Variants in ITGB5 observed in about 807,000 individuals in gnomAD.
ITGB5 encodes the protein integrin beta-5.
Under a neutral mutation model 84.8 loss-of-function variants are expected in ITGB5, and 38 were observed. That is an observed-to-expected ratio of 0.45 (90% CI 0.35 to 0.59). The LOEUF (loss-of-function observed/expected upper bound fraction) is 0.59, where lower values mean the gene tolerates loss of function less well. Ranked by LOEUF, ITGB5 falls within the 20% of genes least tolerant of loss-of-function variation. ITGB5 has a pLI of 0.01. For synonymous variants in ITGB5, 393 were observed against 414.4 expected (o/e 0.95, Z 0.63); for missense variants, 905 against 1,034.5 (o/e 0.87, Z 1.72).
At chr3:124,800,550 C>T (rs1327177534) in intron 9 of ITGB5, among the ~76,000 whole-genome samples, 1 of 152,062 alleles carries the variant, frequency 6.6e-6, no homozygotes, top group Admixed American at 6.6e-5. Flanking sequence ...CCCAGCCAAG[C>T]CTTCGGTCCA....
intron 4 of ITGB5, among the ~76,000 whole-genome samples, chr3:124,847,399 C>T (rs762207911): frequency 2.6e-5 from 4 of 152,200 alleles, no homozygotes; most frequent in Non-Finnish European, 4.4e-5. Flanking sequence ...TACAACCACC[C>T]ACCCCAGCAT....
chr3:124,864,852 G>A (rs921304486), intron 2 of ITGB5, among the ~76,000 whole-genome samples: 1 of 152,196 alleles, frequency 6.6e-6, no homozygotes, highest in South Asian at 2.1e-4. Flanking sequence ...CCTCTGCCAG[G>A]TGTCAGACAT....
At position 124,809,197 on chromosome 3, in the gene ITGB5, G is replaced by A. The variant is rs773215565; in HGVS notation, c.1129-41C>T. On this transcript the variant is annotated intron_variant, in intron 8 of 14. Transcript: ENST00000296181. ...AAATGAAGCCCAACCATTTAATAAA[G>A]GCTGTGGCTGAGGTGCTCCCACACT... 6.2e-6 allele frequency: 10 copies of A among 1,610,442 alleles called. No homozygotes were observed. The African/African-American group carries it at 1.2e-4, about 19-fold the overall frequency.
chr3:124,775,287 G>T (rs2063908984), intron 10 of ITGB5, among the ~76,000 whole-genome samples: 1 of 150,142 alleles, frequency 6.7e-6, no homozygotes, highest in Non-Finnish European at 1.5e-5. Context: ...TTTGTGAGTG[G>T]GTGCAAGTGT....
intron 10 of ITGB5, among the ~76,000 whole-genome samples, chr3:124,775,729 C>T (rs971536788): frequency 1.3e-5 from 2 of 152,206 alleles, no homozygotes; most frequent in African/African-American, 4.8e-5. Context: ...AGTTACCTGG[C>T]TTGTTAACTG....
chr3:124,806,796 G>T (rs1223351241), intron 9 of ITGB5, among the ~76,000 whole-genome samples: 1 of 147,462 alleles, frequency 6.8e-6, no homozygotes, highest in Non-Finnish European at 1.5e-5. Context: ...AAGCATTAGT[G>T]TTTTTTTTTT....
At chr3:124,769,168 C>A in intron 11 of ITGB5, 55 bp from the exon 12 acceptor site, 1 of 1,429,646 alleles carries the variant, frequency 7.0e-7, no homozygotes, top group Non-Finnish European at 9.8e-7. Flanking sequence ...CAGTCCCACA[C>A]CTGTCCCTGA....
chr3:124,867,897 A>T (rs967951364), intron 2 of ITGB5, among the ~76,000 whole-genome samples: 1 of 152,240 alleles, frequency 6.6e-6, no homozygotes, highest in African/African-American at 2.4e-5. Flanking sequence ...GTTCCCACCC[A>T]AATCTCATGT....
chr3:124,777,112 G>T (rs981152401), intron 10 of ITGB5, among the ~76,000 whole-genome samples: 1 of 152,174 alleles, frequency 6.6e-6, no homozygotes, highest in Non-Finnish European at 1.5e-5. Flanking sequence ...CTGACCTAGG[G>T]TATAAGAAGA....
intron 5 of ITGB5, among the ~76,000 whole-genome samples, chr3:124,822,527 G>A (rs1246293025): frequency 6.6e-6 from 1 of 152,130 alleles, no homozygotes; most frequent in Non-Finnish European, 1.5e-5. Context: ...AGCCAAAAGA[G>A]CTATGATATT....
chr3:124,817,839 G>A (rs1309697919), intron 7 of ITGB5, 129 bp from the exon 8 acceptor site: 10 of 602,148 alleles, frequency 1.7e-5, no homozygotes, highest in Non-Finnish European at 2.9e-5. Flanking sequence ...CTCCCACCAT[G>A]AACTAAAGAA....
At chr3:124,776,089 G>A (rs2063922575) in intron 10 of ITGB5, among the ~76,000 whole-genome samples, 1 of 152,258 alleles carries the variant, frequency 6.6e-6, no homozygotes, top group African/African-American at 2.4e-5. Flanking sequence ...GGAGTCCGCT[G>A]TGGAATGCAG....
At position 124,762,383 on chromosome 3, in the gene ITGB5, C is replaced by A. The variant is rs1037939835; in HGVS notation, c.*1240G>T. 4 of 152,148 alleles carry A rather than the reference C, an allele frequency of 2.6e-5. No homozygotes were observed. The highest frequency in any genetic ancestry group is 1.5e-5 in the Non-Finnish European group (1 of 68,022). The allele number at this position is 152,148 out of a possible 1,614,324, so 9.4% of individuals were successfully genotyped here. ...TTAGGAACAGTTTGTCATTCAGTAA[C>A]CTCCTAACAAACACTCGGGCAAGCC... On this transcript the variant is annotated 3_prime_UTR_variant, in exon 15 of 15. Coordinates refer to ENST00000296181, the MANE Select transcript of ITGB5 (RefSeq NM_002213.5).
chr3:124,896,746 T>TAAA (rs34601718), intron 1 of ITGB5, among the ~76,000 whole-genome samples: 1,477 of 124,544 alleles, frequency 0.012, 37 homozygotes, highest in African/African-American at 0.032. Context: ...GACCTTGTCT[T>TAAA]AAAAAAAAAA....
chr3:124,869,902 T>C (rs1033255298), intron 2 of ITGB5, among the ~76,000 whole-genome samples: 1 of 152,202 alleles, frequency 6.6e-6, no homozygotes, highest in Non-Finnish European at 1.5e-5. Context: ...ACCTGGCTTC[T>C]GGATTTTCTA....
chr3:124,777,623 A>C lies in ITGB5; in HGVS notation c.1694-3711T>G, dbSNP rs146417332. On this transcript the variant is annotated intron_variant, in intron 10 of 14. Coordinates refer to ENST00000296181, the MANE Select transcript of ITGB5 (RefSeq NM_002213.5). Reference sequence around the variant, plus strand: ...GTGGCAGGCATCGCTGTCTCCTCATAGGAGTCTTCTCCAAGGGGCCTGGGC... The same window carrying C: ...GTGGCAGGCATCGCTGTCTCCTCATCGGAGTCTTCTCCAAGGGGCCTGGGC... Among the ~76,000 whole-genome samples the C allele has an allele frequency of 6.8e-3, 1,031 of 152,244 alleles. 8 individuals carry two copies. Among genetic ancestry groups the C allele is most frequent in the African/African-American group, 0.023 (952 of 41,554 alleles).
chr3:124,806,360 A>G (rs564740011), intron 9 of ITGB5, among the ~76,000 whole-genome samples: 1 of 144,714 alleles, frequency 6.9e-6, no homozygotes, highest in African/African-American at 2.6e-5. Flanking sequence ...CAAACATTCC[A>G]CCCACAGATC....
intron 10 of ITGB5, among the ~76,000 whole-genome samples, chr3:124,786,125 G>C (rs2064078849): frequency 6.6e-6 from 1 of 152,154 alleles, no homozygotes; most frequent in South Asian, 2.1e-4. Flanking sequence ...TGCTAGGAAA[G>C]GCATGAGATG....
chr3:124,822,356 AT>A (rs1004202970), intron 5 of ITGB5, among the ~76,000 whole-genome samples: 2 of 152,238 alleles, frequency 1.3e-5, no homozygotes, highest in Admixed American at 1.3e-4. Context: ...TAAATGAAGG[AT>A]TTAAACACTG....
Sources: gnomAD v4.1 joint callset for allele counts (sites outside exome capture counted in the v4.1 genomes callset) on GRCh38, gnomAD v4.1.1 for gene constraint, MANE v1.5 for transcripts, NCBI Gene and HGNC (gene_info 2026-07-23, HGNC 2026-07-21) for gene names.